Variants in FAM8A1 observed in about 807,000 individuals in gnomAD.
FAM8A1 encodes the protein protein FAM8A1.
In FAM8A1, 18 loss-of-function variants were observed where a neutral mutation model predicts 38.3. The observed-to-expected ratio is 0.47, with a 90% CI of 0.33 to 0.70. The LOEUF is 0.70. FAM8A1 is among the 30% of genes least tolerant of loss of function. FAM8A1 has a pLI of 0.03. For missense variants in FAM8A1, 559 were observed against 559.6 expected (o/e 1.00, Z 0.01); for synonymous variants, 246 against 234.4 (o/e 1.05, Z -0.45).
chr6:17,602,179 C>T (rs923665225), intron 1 of FAM8A1, among the ~76,000 whole-genome samples: 2 of 152,156 alleles, frequency 1.3e-5, no homozygotes, highest in African/African-American at 2.4e-5. Context: ...TAAAGGCATG[C>T]GCCACCACGC....
rs969715982 is a variant in FAM8A1 at position 17,610,434 on chromosome 6, C to A, written c.*2095C>A. On this transcript the variant is annotated 3_prime_UTR_variant, in exon 5 of 5. Coordinates refer to ENST00000259963, the MANE Select transcript of FAM8A1 (RefSeq NM_016255.3). The stretch of plus-strand genomic sequence containing the variant: ...GGATTCGAGGTATTATACTGTATAA[C>A]CCTACAAAATACATAGAAGTATTAT... 6.6e-6 allele frequency: 1 copy of A among 151,996 alleles called. No individual in the cohort carries two copies. The highest frequency in any genetic ancestry group is 1.5e-5 in the Non-Finnish European group (1 of 67,966). 9.4% of individuals were successfully genotyped at this position (151,996 alleles called of 1,614,324 possible).
chr6:17,608,524 G>T lies in FAM8A1; in HGVS notation c.*185G>T, dbSNP rs868113463. On this transcript the variant is annotated 3_prime_UTR_variant, in exon 5 of 5. Coordinates refer to ENST00000259963, the MANE Select transcript of FAM8A1 (RefSeq NM_016255.3). ...AAGAACTTGTCCAGAAGAAAAACCT[G>T]TTAAATTCAAGTATTAAAATTTTTA... 24 of 489,320 alleles carry T rather than the reference G, an allele frequency of 4.9e-5. No homozygotes were observed. Among genetic ancestry groups the T allele is most frequent in the Non-Finnish European group, 7.7e-5 (24 of 313,100 alleles). 30.3% of individuals were successfully genotyped at this position (489,320 alleles called of 1,614,324 possible). A position where few individuals can be genotyped will look rare whatever the true frequency, so the allele number is the denominator to read the frequency against.
chr6:17,601,999 ATCAAAT>A (rs2113744521), intron 1 of FAM8A1, among the ~76,000 whole-genome samples: 1 of 152,268 alleles, frequency 6.6e-6, no homozygotes, highest in Non-Finnish European at 1.5e-5. Flanking sequence ...GGGTACCCTA[ATCAAAT>A]TTATCTGTGA....
chr6:17,602,337 G>A (rs577400809), intron 1 of FAM8A1, among the ~76,000 whole-genome samples: 2 of 152,254 alleles, frequency 1.3e-5, no homozygotes, highest in African/African-American at 4.8e-5. Flanking sequence ...GCACCTGGCC[G>A]TGTGAAATCA....
chr6:17,604,886 C>T lies in FAM8A1; in HGVS notation c.834-20C>T. 6.5e-7 allele frequency: 1 copy of T among 1,548,234 alleles called. No homozygotes were observed. Among genetic ancestry groups the T allele is most frequent in the Non-Finnish European group, 8.7e-7 (1 of 1,148,460 alleles). ...TCTGGTAACTAATTATTTATAACCCCAAACTATTATTTTGTGTAGGGATAT... is the reference window on the plus strand; with the variant it reads ...TCTGGTAACTAATTATTTATAACCCTAAACTATTATTTTGTGTAGGGATAT... On this transcript the variant is annotated intron_variant, in intron 2 of 4. Coordinates refer to ENST00000259963, the MANE Select transcript of FAM8A1 (RefSeq NM_016255.3).
intron 1 of FAM8A1, 84 bp from the exon 2 acceptor site, chr6:17,602,506 T>C: frequency 7.4e-7 from 1 of 1,359,098 alleles, no homozygotes; most frequent in Non-Finnish European, 1.0e-6. Flanking sequence ...TGACTTTCTT[T>C]AGCAATTCAT....
chr6:17,606,145 C>G, intron 4 of FAM8A1, 132 bp downstream of exon 4: 1 of 553,388 alleles, frequency 1.8e-6, no homozygotes, highest in Non-Finnish European at 2.8e-6. Flanking sequence ...ATATTTATTT[C>G]AGTTGTGTTA....
chr6:17,600,711 C>A lies in FAM8A1; in HGVS notation c.302C>A (p.Pro101Gln), dbSNP rs1012819135. ...TGCGAGGCGCCCGAAGCCGCGGCGC[C>A]ACGAGAGAGACCAGCTCGGCTGAGC... ...AGCEAPEAAAPRERPARLSAR... is the reference protein window; with the variant it reads ...AGCEAPEAAAQRERPARLSAR... The change falls in exon 1 of 5, where the codon CCA (proline) becomes CAA (glutamine). Residue 101 changes from proline to glutamine, a missense_variant. Physicochemically the swap from Pro to Gln is moderately conservative, Grantham distance 76. Coordinates refer to ENST00000259963, the MANE Select transcript of FAM8A1 (RefSeq NM_016255.3). 1.9e-6 allele frequency: 3 copies of A among 1,576,468 alleles called. No individual in the cohort carries two copies. The highest frequency in any genetic ancestry group is 2.6e-6 in the Non-Finnish European group (3 of 1,163,242).
rs140769558 is a variant in FAM8A1 at position 17,601,356 on chromosome 6, G to A, written c.712+235G>A. 2.5e-3 allele frequency among the ~76,000 whole-genome samples: 377 copies of A among 152,320 alleles called. 2 individuals carry two copies. Among genetic ancestry groups the A allele is most frequent in the African/African-American group, 8.4e-3 (350 of 41,570 alleles). ...ACTCCAAATTGACTCCCTTACTCAT[G>A]GGACTAGTTGTTTATTCGTGAAAAG... On this transcript the variant is annotated intron_variant, in intron 1 of 4. Transcript: ENST00000259963.
chr6:17,601,017 G>T lies in FAM8A1; in HGVS notation c.608G>T (p.Gly203Val). ...ACCCCTGCTCCAGTCGCGGGCCTGG[G>T]ACCCCGGGCTCCTCACGTGCAGGCG... ...ISTPAPVAGL[G>V]PRAPHVQASV... Residue 203 changes from glycine (G) to valine (V), a missense_variant, in exon 1 of 5, where the codon GGA becomes GTA. Transcript: ENST00000259963. 1.9e-6 allele frequency: 3 copies of T among 1,587,944 alleles called. No homozygotes were observed. Among genetic ancestry groups the T allele is most frequent in the Non-Finnish European group, 2.6e-6 (3 of 1,169,642 alleles).
chr6:17,605,123 C>T, intron 3 of FAM8A1, 94 bp downstream of exon 3: 1 of 1,157,096 alleles, frequency 8.6e-7, no homozygotes, highest in African/African-American at 1.6e-5. Flanking sequence ...CTCTGTCACC[C>T]AGGCTGGAGT....
At chr6:17,608,172 A>T (rs1457014264) in intron 4 of FAM8A1, 23 bp from the exon 5 acceptor site, 4 of 1,611,938 alleles carry the variant, frequency 2.5e-6, no homozygotes, top group Non-Finnish European at 3.4e-6. Flanking sequence ...AACTTACCTG[A>T]TATTTTTGTT....
rs762834804 is a variant in FAM8A1 at position 17,600,783 on chromosome 6, A to C, written c.374A>C (p.Tyr125Ser). Reference protein sequence around the residue: ...RQVHEWLWQSYCGYLTWHSGL... With the variant: ...RQVHEWLWQSSCGYLTWHSGL... ...GTGCACGAGTGGCTGTGGCAGTCCTACTGCGGCTACCTCACCTGGCACAGC... is the reference window on the plus strand; with the variant it reads ...GTGCACGAGTGGCTGTGGCAGTCCTCCTGCGGCTACCTCACCTGGCACAGC... Residue 125 changes from tyrosine to serine, a missense_variant, in exon 1 of 5, where the codon TAC becomes TCC. Around this residue, in one of 2 missense-constraint regions of FAM8A1, gnomAD observed 393 missense variants for 338.9 expected, o/e 1.16. Coordinates refer to ENST00000259963, the MANE Select transcript of FAM8A1 (RefSeq NM_016255.3). The C allele has an allele frequency of 1.9e-6, 3 of 1,610,972 alleles. No homozygotes were observed. Among genetic ancestry groups the C allele is most frequent in the Non-Finnish European group, 2.5e-6 (3 of 1,179,652 alleles).
chr6:17,605,057 A>G (rs1764034378), intron 3 of FAM8A1, 28 bp downstream of exon 3: 1 of 1,574,834 alleles, frequency 6.3e-7, no homozygotes, highest in Non-Finnish European at 8.6e-7. Flanking sequence ...GCAAGAATTA[A>G]TATTTAACAA....
In FAM8A1 at chr6:17,605,025, A is replaced by T. The variant is rs1319236144; in HGVS notation, c.953A>T (p.Tyr318Phe). Residue 318 changes from tyrosine (Y) to phenylalanine (F), a missense_variant, in exon 3 of 5, where the codon TAT becomes TTT. By Grantham distance (22) the Tyr-to-Phe change is conservative. This residue lies in a region of FAM8A1 where 166 missense variants were observed against 220.8 expected (regional missense o/e 0.75). Coordinates refer to ENST00000259963, the MANE Select transcript of FAM8A1 (RefSeq NM_016255.3). ...ALIYRLLVCF[Y>F]EIICIWGAGG... ...ATATACAGATTATTAGTTTGTTTCT[A>T]TGAGGTAAGCTACTGACTTCAGCAA... The T allele has an allele frequency of 6.2e-7, 1 of 1,605,422 alleles. No homozygotes were observed. Among genetic ancestry groups the T allele is most frequent in the Non-Finnish European group, 8.5e-7 (1 of 1,176,650 alleles).
At chr6:17,603,679 G>A (rs144577060) in intron 2 of FAM8A1, among the ~76,000 whole-genome samples, 1,902 of 152,108 alleles carry the variant, frequency 0.013, 18 homozygotes, top group Middle Eastern at 0.024. Flanking sequence ...CTGTGCCCAA[G>A]TGACACTCCC....
At chr6:17,607,992 G>T (rs1764080474) in intron 4 of FAM8A1, among the ~76,000 whole-genome samples, 1 of 152,162 alleles carries the variant, frequency 6.6e-6, no homozygotes. Context: ...AGCCCAGGTG[G>T]TTTGATCATG....
Position 17,600,804 on chromosome 6 carries a change from A to C in FAM8A1, c.395A>C (p.His132Pro). The change falls in exon 1 of 5, where the codon CAC becomes CCC. Residue 132 changes from histidine to proline, a missense_variant. Physicochemically the swap from His to Pro is moderately conservative, Grantham distance 77. Around this residue, in one of 2 missense-constraint regions of FAM8A1, gnomAD observed 393 missense variants for 338.9 expected, o/e 1.16. Coordinates refer to ENST00000259963, the MANE Select transcript of FAM8A1 (RefSeq NM_016255.3). The stretch of plus-strand genomic sequence containing the variant: ...TCCTACTGCGGCTACCTCACCTGGC[A>C]CAGCGGCCTGGCCGCCTTCCCAGCC... ...WQSYCGYLTW[H>P]SGLAAFPAYC... is the part of the protein sequence containing the mutation. 6.4e-7 allele frequency: 1 copy of C among 1,571,264 alleles called. No individual in the cohort carries two copies. Among genetic ancestry groups the C allele is most frequent in the Non-Finnish European group, 8.6e-7 (1 of 1,159,246 alleles).
At position 17,609,335 on chromosome 6, in the gene FAM8A1, T is replaced by G. The variant is rs1011827382; in HGVS notation, c.*996T>G. The G allele has an allele frequency of 6.6e-6, 1 of 152,218 alleles. No individual in the cohort carries two copies. The highest frequency in any genetic ancestry group is 1.5e-5 in the Non-Finnish European group (1 of 68,042). 9.4% of individuals were successfully genotyped at this position (152,218 alleles called of 1,614,324 possible). A position where few individuals can be genotyped will look rare whatever the true frequency, so the allele number is the denominator to read the frequency against. On this transcript the variant is annotated 3_prime_UTR_variant, in exon 5 of 5. Coordinates refer to ENST00000259963, the MANE Select transcript of FAM8A1 (RefSeq NM_016255.3). ...CTTATATTTTATATAGTTCTATGAC[T>G]GTTGAAACATCAAGGAGTTAAAAAA... is the stretch of plus-strand genomic sequence containing the variant.
Sources: gnomAD v4.1 joint callset for allele counts (sites outside exome capture counted in the v4.1 genomes callset) on GRCh38, gnomAD v4.1.1 for gene constraint, gnomAD v4.1.1 regional missense constraint, MANE v1.5 for transcripts, NCBI Gene and HGNC (gene_info 2026-07-23, HGNC 2026-07-21) for gene names.